Variants in MND1 observed in about 807,000 individuals in gnomAD.
MND1 encodes meiotic nuclear division protein 1 homolog.
A neutral mutation model predicts 35.1 loss-of-function variants in MND1; 28 were observed. The observed-to-expected ratio is 0.80, with a 90% CI of 0.59 to 1.09. The LOEUF is 1.09. Ranked by LOEUF, MND1 falls within the 50% of genes least tolerant of loss-of-function variation. The probability of loss-of-function intolerance (pLI) is 0.00; values close to 1 mark genes in which losing one functional copy is unlikely to be tolerated. For missense variants in MND1, 213 were observed against 239.6 expected, an observed-to-expected ratio of 0.89 and a Z score of 0.73; for synonymous variants, 69 against 70.5, an observed-to-expected ratio of 0.98 and a Z score of 0.11.
Position 153,358,636 on chromosome 4 carries a change from G to C in MND1, c.276+14G>C. 6.2e-7 allele frequency: 1 copy of C among 1,609,422 alleles called. No individual in the cohort carries two copies. The highest frequency in any genetic ancestry group is 8.5e-7 in the Non-Finnish European group (1 of 1,178,440). On this transcript the variant is annotated intron_variant, in intron 4 of 7. Coordinates refer to ENST00000240488, the MANE Select transcript of MND1 (RefSeq NM_032117.4). ...CTGGAATCTCAGGTAAGCTGCCACA[G>C]TTAAAAAGAATAGAGTTGCTTTATA...
chr4:153,400,053 C>T (rs1220990477), intron 6 of MND1, among the ~76,000 whole-genome samples: 3 of 151,774 alleles, frequency 2.0e-5, no homozygotes, highest in African/African-American at 7.3e-5. Context: ...AGGCACATGT[C>T]ACTACACCCA....
At position 153,367,957 on chromosome 4, in the gene MND1, C is replaced by T. The variant is rs1773697601; in HGVS notation, c.276+9335C>T. 2.6e-5 allele frequency among the ~76,000 whole-genome samples: 4 copies of T among 152,092 alleles called. No individual in the cohort carries two copies. In the South Asian group the frequency reaches 8.3e-4, roughly 32 times the overall value. Reference sequence around the variant, plus strand: ...GTGATGTTGAGCATCTTTTCATGTGCTTCTTGGCCATTTGTATATCTTCCT... The same window carrying T: ...GTGATGTTGAGCATCTTTTCATGTGTTTCTTGGCCATTTGTATATCTTCCT... On this transcript the variant is annotated intron_variant, in intron 4 of 7. Transcript: ENST00000240488.
intron 4 of MND1, among the ~76,000 whole-genome samples, chr4:153,391,727 T>TACACACACACAC (rs71598272): frequency 0.027 from 3,822 of 142,282 alleles, 132 homozygotes; most frequent in African/African-American, 0.075. Flanking sequence ...AACTCCATCA[T>TACACACACACAC]ACACACACAC....
At chr4:153,356,843 C>A (rs1011549787) in intron 3 of MND1, among the ~76,000 whole-genome samples, 1 of 151,780 alleles carries the variant, frequency 6.6e-6, no homozygotes, top group Admixed American at 6.6e-5. Flanking sequence ...TACTCTGTCA[C>A]CCAGGCTGGA....
intron 4 of MND1, among the ~76,000 whole-genome samples, chr4:153,389,243 G>A (rs954141615): frequency 6.6e-6 from 1 of 151,926 alleles, no homozygotes; most frequent in South Asian, 2.1e-4. Flanking sequence ...TTTCACCAGG[G>A]ACCCGCCTCT....
intron 4 of MND1, among the ~76,000 whole-genome samples, chr4:153,371,897 A>C (rs1773797617): frequency 6.6e-6 from 1 of 152,070 alleles, no homozygotes; most frequent in Non-Finnish European, 1.5e-5. Flanking sequence ...TTTGATTGAA[A>C]ATGAGAGATG....
At chr4:153,359,779 C>CTTTTTTTTTTTTTTT (rs34112305) in intron 4 of MND1, among the ~76,000 whole-genome samples, 1 of 62,160 alleles carries the variant, frequency 1.6e-5, no homozygotes, top group Non-Finnish European at 3.0e-5. Flanking sequence ...TTTGGAAGAT[C>CTTTTTTTTTTTTTTT]TTTTTTTTTT....
At chr4:153,380,587 T>A (rs958736504) in intron 4 of MND1, among the ~76,000 whole-genome samples, 2 of 152,228 alleles carry the variant, frequency 1.3e-5, no homozygotes, top group Non-Finnish European at 2.9e-5. Flanking sequence ...CACCTCAGTC[T>A]GAACAGAAAT....
At chr4:153,374,620 G>A (rs1286338742) in intron 4 of MND1, among the ~76,000 whole-genome samples, 2 of 151,932 alleles carry the variant, frequency 1.3e-5, no homozygotes, top group Non-Finnish European at 2.9e-5. Flanking sequence ...TCCAGATGGG[G>A]GTTGGGGGAG....
At chr4:153,360,589 T>C (rs1173992154) in intron 4 of MND1, among the ~76,000 whole-genome samples, 1 of 133,498 alleles carries the variant, frequency 7.5e-6, no homozygotes, top group African/African-American at 3.1e-5. Flanking sequence ...TCTGTATGTG[T>C]GTGTGTGTGT....
chr4:153,384,257 G>A (rs965054656), intron 4 of MND1, among the ~76,000 whole-genome samples: 4 of 74,242 alleles, frequency 5.4e-5, no homozygotes, highest in Non-Finnish European at 8.2e-5. Context: ...TCTACTTTCT[G>A]CTTTTTTTTT....
intron 4 of MND1, among the ~76,000 whole-genome samples, chr4:153,373,695 C>T (rs1271272193): frequency 6.6e-6 from 1 of 152,166 alleles, no homozygotes; most frequent in Non-Finnish European, 1.5e-5. Context: ...ACATCAGAGG[C>T]TAACACATAG....
chr4:153,404,779 C>G (rs1219687025), intron 6 of MND1, among the ~76,000 whole-genome samples: 1 of 151,946 alleles, frequency 6.6e-6, no homozygotes, highest in Non-Finnish European at 1.5e-5. Flanking sequence ...ACACCTGGCC[C>G]AAAAATTCGT....
intron 4 of MND1, among the ~76,000 whole-genome samples, chr4:153,360,774 T>C (rs1194653308): frequency 2.5e-5 from 2 of 81,334 alleles, no homozygotes; most frequent in Non-Finnish European, 4.6e-5. Flanking sequence ...CATATACATA[T>C]ACACATATAT....
intron 4 of MND1, among the ~76,000 whole-genome samples, chr4:153,392,025 GTATCTAT>G (rs1267185424): frequency 1.3e-5 from 2 of 151,906 alleles, no homozygotes; most frequent in Non-Finnish European, 2.9e-5. Context: ...CAAAAAAAGG[GTATCTAT>G]TATCTACTCT....
chr4:153,360,117 A>G (rs1363963211), intron 4 of MND1, among the ~76,000 whole-genome samples: 1 of 152,082 alleles, frequency 6.6e-6, no homozygotes, highest in African/African-American at 2.4e-5. Flanking sequence ...CTTATTTGTC[A>G]TCTATGTAAA....
At chr4:153,348,351 G>A (rs1017325076) in intron 1 of MND1, among the ~76,000 whole-genome samples, 38 of 152,224 alleles carry the variant, frequency 2.5e-4, no homozygotes, top group African/African-American at 9.2e-4. Flanking sequence ...TTAGACTGAC[G>A]GAGTTGAAGT....
At chr4:153,394,199 T>G (rs952718922) in intron 4 of MND1, 63 bp from the exon 5 acceptor site, 3 of 1,505,288 alleles carry the variant, frequency 2.0e-6, no homozygotes. Flanking sequence ...GGACTTTGTT[T>G]TCATCAACTA....
intron 4 of MND1, among the ~76,000 whole-genome samples, chr4:153,370,040 G>A (rs1279781448): frequency 6.6e-6 from 1 of 151,920 alleles, no homozygotes; most frequent in African/African-American, 2.4e-5. Context: ...CCAGCACTTC[G>A]GGAGGCTGAG....
Sources: gnomAD v4.1 joint callset for allele counts (sites outside exome capture counted in the v4.1 genomes callset) on GRCh38, gnomAD v4.1.1 for gene constraint, MANE v1.5 for transcripts, NCBI Gene and HGNC (gene_info 2026-07-23, HGNC 2026-07-21) for gene names.